TMCC1: variants seen among roughly 807,000 people sequenced by gnomAD.
TMCC1 encodes the protein transmembrane and coiled-coil domain family 1, also known as transmembrane and coiled-coil domains protein 1.
In TMCC1, 15 loss-of-function variants were observed where a neutral mutation model predicts 52.4. The ratio of observed to expected loss-of-function variants is 0.29; its 90% CI spans 0.19 to 0.44. The LOEUF (loss-of-function observed/expected upper bound fraction) is 0.44, where lower values mean the gene tolerates loss of function less well. TMCC1 is among the 20% of genes least tolerant of loss of function. TMCC1 has a pLI of 1.00. For synonymous variants in TMCC1, 279 were observed against 301.9 expected, an observed-to-expected ratio of 0.92 and a Z score of 0.79; for missense variants, 503 against 806.0, an observed-to-expected ratio of 0.62 and a Z score of 4.55.
chr3:129,787,741 A>C (rs1281964592), intron 4 of TMCC1, among the ~76,000 whole-genome samples: 1 of 152,226 alleles, frequency 6.6e-6, no homozygotes, highest in African/African-American at 2.4e-5. Context: ...ACAAGTTTTT[A>C]AAGTGTTAAT....
chr3:129,785,194 A>G (rs148669356), intron 4 of TMCC1, among the ~76,000 whole-genome samples: 1 of 152,316 alleles, frequency 6.6e-6, no homozygotes, highest in East Asian at 1.9e-4. Context: ...CGTGCAGCAG[A>G]GCTGTGGTAT....
intron 4 of TMCC1, among the ~76,000 whole-genome samples, chr3:129,777,875 T>C (rs982945279): frequency 1.2e-4 from 19 of 152,200 alleles, no homozygotes; most frequent in African/African-American, 4.1e-4. Context: ...CTGGGGAACA[T>C]GAGGGTGAAA....
intron 4 of TMCC1, among the ~76,000 whole-genome samples, chr3:129,710,186 AAAAC>A (rs148176861): frequency 0.98 from 148,841 of 151,458 alleles, 73,183 homozygotes; most frequent in Non-Finnish European, 1. Context: ...ATTCCATCTC[AAAAC>A]AAACAAACAA....
chr3:129,716,894 C>T (rs1400677252), intron 4 of TMCC1, among the ~76,000 whole-genome samples: 2 of 152,194 alleles, frequency 1.3e-5, no homozygotes, highest in Non-Finnish European at 2.9e-5. Flanking sequence ...CCAGACCTCA[C>T]TATTGTTATC....
At chr3:129,730,642 T>C (rs2050466442) in intron 4 of TMCC1, among the ~76,000 whole-genome samples, 1 of 152,248 alleles carries the variant, frequency 6.6e-6, no homozygotes, top group Admixed American at 6.5e-5. Context: ...TCTAGTTCTT[T>C]TGCCTTTCGA....
At chr3:129,653,091 G>A (rs1018392278) in intron 6 of TMCC1, among the ~76,000 whole-genome samples, 1 of 152,006 alleles carries the variant, frequency 6.6e-6, no homozygotes, top group Non-Finnish European at 1.5e-5. Flanking sequence ...TCATTCAACA[G>A]TGGGTCTTGG....
intron 4 of TMCC1, among the ~76,000 whole-genome samples, chr3:129,703,750 A>C (rs1487842003): frequency 6.6e-6 from 1 of 152,232 alleles, no homozygotes; most frequent in Non-Finnish European, 1.5e-5. Flanking sequence ...TGAATGAGTG[A>C]ATGAATAAAT....
At chr3:129,695,095 T>TAA (rs2047303217) in intron 4 of TMCC1, among the ~76,000 whole-genome samples, 1 of 2,332 alleles carries the variant, frequency 4.3e-4, no homozygotes, top group Non-Finnish European at 2.2e-3. Context: ...AGACTCTGTC[T>TAA]CAAAAAAAAA....
chr3:129,856,462 T>C (rs1279767618), intron 2 of TMCC1, among the ~76,000 whole-genome samples: 1 of 152,202 alleles, frequency 6.6e-6, no homozygotes, highest in Admixed American at 6.5e-5. Context: ...CAGTATTTCT[T>C]TTTTCAAAAA....
chr3:129,772,663 C>A (rs1380645546), intron 4 of TMCC1, among the ~76,000 whole-genome samples: 5 of 136,634 alleles, frequency 3.7e-5, no homozygotes, highest in African/African-American at 5.5e-5. Context: ...GCAGAGCTTG[C>A]AGTGAGCCGA....
chr3:129,878,843 T>C lies in TMCC1; in HGVS notation c.-184+1466A>G, dbSNP rs541448980. Among the ~76,000 whole-genome samples, 14 of 152,316 alleles carry C rather than the reference T, an allele frequency of 9.2e-5. No homozygotes were observed. In the East Asian group the frequency reaches 1.7e-3, roughly 19 times the overall value. ...ACCCCCAAGGTAATTCATGTGCACATTGAAGTTTGAAAAGCACTTCCATAA... is the reference window on the plus strand; with the variant it reads ...ACCCCCAAGGTAATTCATGTGCACACTGAAGTTTGAAAAGCACTTCCATAA... On this transcript the variant is annotated intron_variant, in intron 2 of 6. Coordinates refer to ENST00000393238, the MANE Select transcript of TMCC1 (RefSeq NM_001017395.5).
chr3:129,875,674 A>T (rs1031268510), intron 2 of TMCC1, among the ~76,000 whole-genome samples: 1 of 152,170 alleles, frequency 6.6e-6, no homozygotes, highest in African/African-American at 2.4e-5. Context: ...GGGCCAACAA[A>T]TATGAAAGTA....
intron 4 of TMCC1, among the ~76,000 whole-genome samples, chr3:129,706,131 T>A (rs1356988675): frequency 6.7e-6 from 1 of 149,938 alleles, no homozygotes. Context: ...CCTCAAGTGA[T>A]CCACCCACCT....
Position 129,864,030 on chromosome 3 carries a change from G to C in TMCC1, c.-184+16279C>G, listed in dbSNP as rs142034930. Reference sequence around the variant, plus strand: ...TGCAAAGAATGCAAAAGAAGTTATCGGGTTCATGCTCTCTCTAAAAACCAT... The same window carrying C: ...TGCAAAGAATGCAAAAGAAGTTATCCGGTTCATGCTCTCTCTAAAAACCAT... On this transcript the variant is annotated intron_variant, in intron 2 of 6. Coordinates refer to ENST00000393238, the MANE Select transcript of TMCC1 (RefSeq NM_001017395.5). Among the ~76,000 whole-genome samples the C allele has an allele frequency of 2.5e-4, 38 of 152,200 alleles. No homozygotes were observed. The East Asian group carries it at 6.9e-3, about 28-fold the overall frequency.
chr3:129,722,258 G>A (rs2049675206), intron 4 of TMCC1, among the ~76,000 whole-genome samples: 1 of 152,178 alleles, frequency 6.6e-6, no homozygotes, highest in African/African-American at 2.4e-5. Context: ...GGTGGCATCA[G>A]CTTCTCATAG....
chr3:129,759,884 G>C (rs1311594150), intron 4 of TMCC1, among the ~76,000 whole-genome samples: 3 of 150,472 alleles, frequency 2.0e-5, no homozygotes, highest in Non-Finnish European at 4.4e-5. Context: ...ACCACGCCCG[G>C]CTAATTTTTT....
chr3:129,684,247 C>T (rs893049525), intron 4 of TMCC1, among the ~76,000 whole-genome samples: 12 of 152,194 alleles, frequency 7.9e-5, no homozygotes, highest in African/African-American at 2.9e-4. Context: ...AGAATCAATG[C>T]ACACCAGTGT....
intron 4 of TMCC1, among the ~76,000 whole-genome samples, chr3:129,686,860 T>G (rs766614599): frequency 1.3e-4 from 20 of 152,162 alleles, no homozygotes; most frequent in Non-Finnish European, 2.5e-4. Flanking sequence ...GGAAAAGCAC[T>G]ATTACAGTAG....
intron 4 of TMCC1, among the ~76,000 whole-genome samples, chr3:129,760,382 C>G (rs2053430102): frequency 6.7e-6 from 1 of 149,706 alleles, no homozygotes; most frequent in African/African-American, 2.5e-5. Context: ...AACACAGCAG[C>G]GTGCTACCAC....
Sources: gnomAD v4.1 joint callset for allele counts (sites outside exome capture counted in the v4.1 genomes callset) on GRCh38, gnomAD v4.1.1 for gene constraint, MANE v1.5 for transcripts, NCBI Gene and HGNC (gene_info 2026-07-23, HGNC 2026-07-21) for gene names.